Variants in LEMD2 observed in about 807,000 individuals in gnomAD.
The protein encoded by LEMD2 is LEM domain-containing protein 2.
Under a neutral mutation model 58.8 loss-of-function variants are expected in LEMD2, and 34 were observed. That is an observed-to-expected ratio of 0.58 (90% confidence interval 0.44 to 0.77). The LOEUF is 0.77. Ranked by LOEUF, LEMD2 falls within the 30% of genes least tolerant of loss-of-function variation. The pLI is 0.00. For synonymous variants in LEMD2, 298 were observed against 308.9 expected (o/e 0.96, Z 0.37); for missense variants, 629 against 717.9 (o/e 0.88, Z 1.42).
At position 33,774,223 on chromosome 6, in the gene LEMD2, G is replaced by A. The variant is rs536916092; in HGVS notation, c.1362-1445C>T. 6.2e-5 allele frequency among the ~76,000 whole-genome samples: 9 copies of A among 145,366 alleles called. No homozygotes were observed. In the South Asian group the frequency reaches 2.0e-3, roughly 32 times the overall value. On this transcript the variant is annotated intron_variant, in intron 8 of 8. Coordinates refer to ENST00000293760, the MANE Select transcript of LEMD2 (RefSeq NM_181336.4). ...GTCTCACTGTGTCACCCAGGCTGGA[G>A]TGCAGTGGTGTGATCTCAGCTCACT...
chr6:33,786,713 A>G (rs201943593), intron 2 of LEMD2, 21 bp downstream of exon 2: 5 of 1,596,788 alleles, frequency 3.1e-6, no homozygotes, highest in Non-Finnish European at 1.7e-6. Flanking sequence ...AATAATAAAA[A>G]CCAGAGAAAC....
rs371101785 is a variant in LEMD2, at chr6:33,775,765, T to C, written c.1361+1189A>G. 3.9e-5 allele frequency among the ~76,000 whole-genome samples: 6 copies of C among 152,330 alleles called. No individual in the cohort carries two copies. In the South Asian group the frequency reaches 1.2e-3, roughly 32 times the overall value. On this transcript the variant is annotated intron_variant, in intron 8 of 8. Coordinates refer to ENST00000293760, the MANE Select transcript of LEMD2 (RefSeq NM_181336.4). Reference sequence around the variant, plus strand: ...TTCCTCTACTTCCCTGTGCCTCAGTTCCCTTATAGGTAAAATGGGGCCACT... The same window carrying C: ...TTCCTCTACTTCCCTGTGCCTCAGTCCCCTTATAGGTAAAATGGGGCCACT...
chr6:33,789,112 G>A lies in LEMD2; in HGVS notation c.5C>T (p.Ala2Val). 1 of 1,526,684 alleles carries A rather than the reference G, an allele frequency of 6.6e-7. No individual in the cohort carries two copies. The highest frequency in any genetic ancestry group is 8.7e-7 in the Non-Finnish European group (1 of 1,147,264). The allele number at this position is 1,526,684 out of a possible 1,614,324, so 94.6% of individuals were successfully genotyped here. A position where few individuals can be genotyped will look rare whatever the true frequency, so the allele number is the denominator to read the frequency against. Residue 2 changes from alanine to valine, a missense_variant, in exon 1 of 9, where the codon GCC (alanine) becomes GTC (valine). Physicochemically the swap from Ala to Val is moderately conservative, Grantham distance 64. This residue lies in a region of LEMD2 where 386 missense variants were observed against 381.1 expected (regional missense o/e 1.01). Transcript: ENST00000293760. ...CCGCAGTTCCAGGTCCGACAGGCCG[G>A]CCATGGCCAGGACGCCGCCCCCCGC... M[A>V]GLSDLELRRE...
chr6:33,781,434 A>G, intron 3 of LEMD2: 1 of 416,850 alleles, frequency 2.4e-6, no homozygotes, highest in East Asian at 4.0e-5. Context: ...ATTGATCCCT[A>G]AAAGAATCAG....
In LEMD2 at chr6:33,789,058, G is replaced by A; in HGVS notation, c.59C>T (p.Pro20Leu). The A allele has an allele frequency of 6.4e-7, 1 of 1,553,390 alleles. No individual in the cohort carries two copies. The highest frequency in any genetic ancestry group is 8.6e-7 in the Non-Finnish European group (1 of 1,157,934). The change falls in exon 1 of 9, where the codon CCA becomes CTA. Residue 20 changes from proline (P) to leucine (L), a missense_variant. Pro to Leu is a moderately conservative substitution (Grantham distance 98). Coordinates refer to ENST00000293760, the MANE Select transcript of LEMD2 (RefSeq NM_181336.4). ...RRELQALGFQPGPITDTTRDV... is the reference protein window; with the variant it reads ...RRELQALGFQLGPITDTTRDV... ...CCGGGTGGTGTCGGTGATGGGTCCT[G>A]GCTGGAAGCCCAGGGCCTGCAGCTC...
At chr6:33,776,734 G>A (rs773731418) in intron 8 of LEMD2, 115 of 584,570 alleles carry the variant, frequency 2.0e-4, no homozygotes, top group Non-Finnish European at 2.8e-4. Context: ...CTCTACAGAG[G>A]TGTGGGATTG....
At chr6:33,785,016 C>T (rs1286364492) in intron 2 of LEMD2, among the ~76,000 whole-genome samples, 1 of 152,202 alleles carries the variant, frequency 6.6e-6, no homozygotes, top group Non-Finnish European at 1.5e-5. Flanking sequence ...CGGTACCAGA[C>T]AACGAGACGG....
Position 33,788,501 on chromosome 6 carries a change from G to A in LEMD2, c.616C>T (p.Leu206=). 6.5e-7 allele frequency: 1 copy of A among 1,542,216 alleles called. No homozygotes were observed. Among genetic ancestry groups the A allele is most frequent in the East Asian group, 2.5e-5 (1 of 39,510 alleles). The change falls in exon 1 of 9, where the codon CTG becomes TTG. Residue 206 remains leucine (L), a synonymous_variant. Transcript: ENST00000293760. ...ARARPEVGRR[L]ERWLSRLLLW... is the part of the protein sequence containing the mutation. ...AGAAGCCGAGAGAGCCAGCGCTCCA[G>A]CCGGCGCCCCACCTCAGGCCGGGCC...
chr6:33,788,816 G>C lies in LEMD2; in HGVS notation c.301C>G (p.Pro101Ala). Reference protein sequence around the residue: ...QPASGSAYATPGAYGDIRPSA... With the variant: ...QPASGSAYATAGAYGDIRPSA... ...GGCCGGATATCACCGTAGGCCCCAG[G>C]GGTCGCGTAGGCCGAGCCCGAGGCC... is the stretch of plus-strand genomic sequence containing the variant. Residue 101 changes from proline (P) to alanine (A), a missense_variant, in exon 1 of 9, where the codon CCT (proline) becomes GCT (alanine). This residue lies in a region of LEMD2 where 386 missense variants were observed against 381.1 expected (regional missense o/e 1.01). Transcript: ENST00000293760. The C allele has an allele frequency of 6.9e-7, 1 of 1,441,494 alleles. No individual in the cohort carries two copies. The highest frequency in any genetic ancestry group is 1.5e-5 in the African/African-American group (1 of 67,664). 89.3% of individuals were successfully genotyped at this position (1,441,494 alleles called of 1,614,324 possible).
intron 1 of LEMD2, chr6:33,787,163 T>G (rs1447026122): frequency 4.7e-6 from 1 of 210,746 alleles, no homozygotes; most frequent in Non-Finnish European, 9.6e-6. Flanking sequence ...TAAACAGAGA[T>G]TAACACCGTA....
At chr6:33,788,214 T>G (rs911017845) in intron 1 of LEMD2, among the ~76,000 whole-genome samples, 167 bp downstream of exon 1, 2 of 152,242 alleles carry the variant, frequency 1.3e-5, no homozygotes, top group African/African-American at 4.8e-5. Context: ...GCAGGAGCCT[T>G]GGCCCTCTCT....
Position 33,778,516 on chromosome 6 carries a change from T to C in LEMD2, c.1011-129A>G, listed in dbSNP as rs1330798082. 8 of 635,766 alleles carry C rather than the reference T, an allele frequency of 1.3e-5. No homozygotes were observed. Among genetic ancestry groups the C allele is most frequent in the Non-Finnish European group, 1.7e-5 (7 of 404,030 alleles). The allele number at this position is 635,766 out of a possible 1,614,324, so 39.4% of individuals were successfully genotyped here. On this transcript the variant is annotated intron_variant, in intron 5 of 8. Coordinates refer to ENST00000293760, the MANE Select transcript of LEMD2 (RefSeq NM_181336.4). This position sits in a 1 kb window ranked among gnomAD's most constrained non-coding sequence, Gnocchi z 4.7. ...GCCTCTACTTGCTTATAGAATAGGCTTGGTATCCTGGCTGCATTCTTTCCA... is the reference window on the plus strand; with the variant it reads ...GCCTCTACTTGCTTATAGAATAGGCCTGGTATCCTGGCTGCATTCTTTCCA...
Position 33,777,047 on chromosome 6 carries a change from T to C in LEMD2, c.1268A>G (p.Gln423Arg), listed in dbSNP as rs1487715338. 6.2e-7 allele frequency: 1 copy of C among 1,614,090 alleles called. No individual in the cohort carries two copies. Among genetic ancestry groups the C allele is most frequent in the Admixed American group, 1.7e-5 (1 of 60,030 alleles). ...EMVKKIIDVV[Q>R]DHYVDWEQDM... The stretch of plus-strand genomic sequence containing the variant: ...CTGCTCCCAGTCCACGTAATGGTCC[T>C]GGACCACGTCTGCAGGAGAGAGCAC... Residue 423 changes from glutamine to arginine, a missense_variant, in exon 8 of 9, where the codon CAG becomes CGG. By Grantham distance (43) the Gln-to-Arg change is conservative (BLOSUM62 1). Around this residue, in one of 2 missense-constraint regions of LEMD2, gnomAD observed 243 missense variants for 336.8 expected, o/e 0.72. Transcript: ENST00000293760.
At chr6:33,783,518 G>A (rs976250768) in intron 3 of LEMD2, among the ~76,000 whole-genome samples, 8 of 152,226 alleles carry the variant, frequency 5.3e-5, no homozygotes, top group African/African-American at 1.9e-4. Context: ...GAACTGCTCT[G>A]TCTGGTTCTT....
intron 3 of LEMD2, among the ~76,000 whole-genome samples, chr6:33,783,401 G>A (rs1226031875): frequency 2.0e-5 from 3 of 152,136 alleles, no homozygotes; most frequent in South Asian, 2.1e-4. Context: ...AAGTCCACCC[G>A]ACCCTAATTT....
chr6:33,788,007 A>G (rs1767719871), intron 1 of LEMD2, among the ~76,000 whole-genome samples: 1 of 152,238 alleles, frequency 6.6e-6, no homozygotes, highest in African/African-American at 2.4e-5. Context: ...CTAAATGTGT[A>G]AGCCAGAGGT....
intron 2 of LEMD2, among the ~76,000 whole-genome samples, chr6:33,785,021 A>G (rs1767645369): frequency 6.6e-6 from 1 of 152,210 alleles, no homozygotes; most frequent in Non-Finnish European, 1.5e-5. Flanking sequence ...CCAGACAACG[A>G]GACGGCCTGA....
chr6:33,782,615 A>C (rs1196781313), intron 3 of LEMD2, among the ~76,000 whole-genome samples: 5 of 152,264 alleles, frequency 3.3e-5, no homozygotes, highest in African/African-American at 1.2e-4. Flanking sequence ...TGCTCCAGCT[A>C]AAAGGCATTG....
chr6:33,787,749 G>A (rs1245995321), intron 1 of LEMD2, among the ~76,000 whole-genome samples: 2 of 152,204 alleles, frequency 1.3e-5, no homozygotes, highest in Non-Finnish European at 2.9e-5. Flanking sequence ...GGATGGCTGT[G>A]AGCATCCTTG....
Sources: allele counts gnomAD v4.1 joint callset (sites outside exome capture counted in the v4.1 genomes callset), GRCh38; gene constraint gnomAD v4.1.1; regional missense constraint gnomAD v4.1.1; non-coding constraint Gnocchi (gnomAD v3.1); transcripts MANE v1.5; gene names NCBI Gene and HGNC (gene_info 2026-07-23, HGNC 2026-07-21).